The following PRKAR1A variants were observed in gnomAD, a reference collection of about 807,000 sequenced individuals.
PRKAR1A encodes the protein cAMP-dependent protein kinase type I-alpha regulatory subunit.
PRKAR1A carries 3 observed loss-of-function variants against 52.0 expected under a neutral mutation model. The ratio of observed to expected loss-of-function variants is 0.06; its 90% CI spans 0.03 to 0.15. PRKAR1A has a LOEUF of 0.15. PRKAR1A is among the 10% of genes least tolerant of loss of function. The pLI is 1.00. For missense variants in PRKAR1A, 240 were observed against 477.4 expected (o/e 0.50, Z 4.63); for synonymous variants, 188 against 168.4 (o/e 1.12, Z -0.90).
chr17:68,519,308 C>A (rs1438596174), intron 2 of PRKAR1A, among the ~76,000 whole-genome samples: 2 of 152,332 alleles, frequency 1.3e-5, no homozygotes, highest in South Asian at 4.1e-4. Context: ...CACAGTTCCT[C>A]ATGGCTGGGC....
intron 11 of PRKAR1A, among the ~76,000 whole-genome samples, chr17:68,544,941 T>G (rs1454161241): frequency 6.6e-6 from 1 of 152,256 alleles, no homozygotes; most frequent in African/African-American, 2.4e-5. Flanking sequence ...AGATCAGTGC[T>G]TCTCATACTT....
chr17:68,532,597 T>C lies in PRKAR1A; in HGVS notation c.*2148T>C. On this transcript the variant is annotated 3_prime_UTR_variant, in exon 11 of 11. Coordinates refer to ENST00000589228, the MANE Select transcript of PRKAR1A (RefSeq NM_002734.5). ...AGTCATTATTCCTGGGCTTGGTAAG[T>C]GAATTTATGAGATTTACTGCTCTAG... is the stretch of plus-strand genomic sequence containing the variant. The C allele has an allele frequency of 9.4e-7, 1 of 1,066,240 alleles. No individual in the cohort carries two copies. The highest frequency in any genetic ancestry group is 1.6e-5 in the African/African-American group (1 of 61,242). The allele number at this position is 1,066,240 out of a possible 1,614,324, so 66.0% of individuals were successfully genotyped here.
chr17:68,487,963 A>G, the PRKAR1A span, among the ~76,000 whole-genome samples: 1 of 152,200 alleles, frequency 6.6e-6, no homozygotes, highest in Non-Finnish European at 1.5e-5. Flanking sequence ...TGCACTCATG[A>G]AGCTTACGTT....
the PRKAR1A span, chr17:68,426,048 G>T: frequency 7.5e-6 from 12 of 1,597,540 alleles, no homozygotes; most frequent in Non-Finnish European, 1.0e-5. Flanking sequence ...AGACTGAGCC[G>T]CCCAGTTACG....
chr17:68,414,228 G>A, the PRKAR1A span: 1 of 152,190 alleles, frequency 6.6e-6, no homozygotes, highest in Non-Finnish European at 1.5e-5. Context: ...ATCATAAAGC[G>A]ATGCTGGATT....
chr17:68,469,474 G>A, the PRKAR1A span, among the ~76,000 whole-genome samples: 1 of 152,086 alleles, frequency 6.6e-6, no homozygotes, highest in Admixed American at 6.5e-5. Flanking sequence ...ATGAGGATGG[G>A]GTCTCCTGTC....
At chr17:68,498,263 T>C in the PRKAR1A span, among the ~76,000 whole-genome samples, 1 of 152,234 alleles carries the variant, frequency 6.6e-6, no homozygotes, top group Non-Finnish European at 1.5e-5. Flanking sequence ...TGAGCTTAAC[T>C]TGAGCAAGAG....
At chr17:68,513,113 C>T (rs1332086822) in intron 1 of PRKAR1A, 1 of 97,922 alleles carries the variant, frequency 1.0e-5, no homozygotes. Context: ...TTTCACCTCT[C>T]TCCCTTTCCC....
At chr17:68,536,617 A>C (rs139909164), downstream of PRKAR1A, 6 of 452,162 alleles carry the variant, frequency 1.3e-5, no homozygotes, top group Non-Finnish European at 4.4e-6. Flanking sequence ...CTGGGGTCTT[A>C]GGGAAGAAGA....
At chr17:68,448,574 A>C in the PRKAR1A span, 8 of 152,278 alleles carry the variant, frequency 5.3e-5, no homozygotes, top group East Asian at 1.5e-3. Flanking sequence ...CGGACACTCA[A>C]ATAGGCCTTC....
intron 6 of PRKAR1A, among the ~76,000 whole-genome samples, 184 bp downstream of exon 6, chr17:68,525,142 A>T (rs2085747106): frequency 6.6e-6 from 1 of 152,060 alleles, no homozygotes; most frequent in Non-Finnish European, 1.5e-5. Context: ...TCTGTTCAGA[A>T]CTTTGCTGGA....
the PRKAR1A span, among the ~76,000 whole-genome samples, chr17:68,485,020 G>A: frequency 6.6e-6 from 1 of 152,216 alleles, no homozygotes; most frequent in Non-Finnish European, 1.5e-5. Context: ...AATATATTAA[G>A]ACATTGCAGA....
rs2143324969 is a variant in PRKAR1A at position 68,525,932 on chromosome 17, G to GAGA, written c.708+21_708+23dup. ...CTCATGGTAAGAGACCATGGTGTTT[G>GAGA]AGAGTGTGATTTAGAATTCTCATCT... is the stretch of plus-strand genomic sequence containing the variant. On this transcript the variant is annotated intron_variant, in intron 7 of 10. Coordinates refer to ENST00000589228, the MANE Select transcript of PRKAR1A (RefSeq NM_002734.5). The GAGA allele has an allele frequency of 6.2e-7, 1 of 1,613,008 alleles. No homozygotes were observed. Among genetic ancestry groups the GAGA allele is most frequent in the East Asian group, 2.2e-5 (1 of 44,848 alleles).
At chr17:68,547,859 T>G (rs2086640071) in intron 11 of PRKAR1A, among the ~76,000 whole-genome samples, 1 of 152,266 alleles carries the variant, frequency 6.6e-6, no homozygotes, top group African/African-American at 2.4e-5. Context: ...CTTGCCTGAC[T>G]GGCACAAAAA....
At chr17:68,483,288 C>G in the PRKAR1A span, among the ~76,000 whole-genome samples, 1 of 151,994 alleles carries the variant, frequency 6.6e-6, no homozygotes, top group African/African-American at 2.4e-5. Flanking sequence ...CAAGACCACC[C>G]TGGCCATTAT....
At chr17:68,537,346 A>G (rs764716509), downstream of PRKAR1A, 13 of 1,202,258 alleles carry the variant, frequency 1.1e-5, no homozygotes, top group Non-Finnish European at 1.5e-5. The surrounding 1 kb of genome is among the most constrained non-coding windows in gnomAD (Gnocchi z 4.2). Context: ...GCTGTTTGAG[A>G]AAATGTCCTG....
At chr17:68,437,948 T>TAAAAAAAAAA in the PRKAR1A span, among the ~76,000 whole-genome samples, 31 of 78,796 alleles carry the variant, frequency 3.9e-4, no homozygotes, top group African/African-American at 8.6e-4. Flanking sequence ...ACATCTCTCT[T>TAAAAAAAAAA]AAAAAAAAAA....
At chr17:68,495,982 T>C in the PRKAR1A span, among the ~76,000 whole-genome samples, 29 of 4,886 alleles carry the variant, frequency 5.9e-3, no homozygotes, top group Non-Finnish European at 6.8e-3. Context: ...CTCTCTCCTC[T>C]CCTCTCCTCT....
the PRKAR1A span, among the ~76,000 whole-genome samples, chr17:68,485,349 G>A: frequency 1.2e-4 from 19 of 152,168 alleles, no homozygotes; most frequent in Non-Finnish European, 2.2e-4. Context: ...CTTTATCCTT[G>A]GATTGTGTTG....
Sources: gnomAD v4.1 joint callset for allele counts (sites outside exome capture counted in the v4.1 genomes callset) on GRCh38, gnomAD v4.1.1 for gene constraint, Gnocchi (gnomAD v3.1) non-coding constraint, MANE v1.5 for transcripts, NCBI Gene and HGNC (gene_info 2026-07-23, HGNC 2026-07-21) for gene names.